Variants in N4BP2 observed in about 807,000 individuals in gnomAD.
N4BP2 encodes the protein NEDD4-binding protein 2.
N4BP2 carries 91 observed loss-of-function variants against 152.8 expected under a neutral mutation model. The ratio of observed to expected loss-of-function variants is 0.60; its 90% confidence interval spans 0.50 to 0.71. The LOEUF (loss-of-function observed/expected upper bound fraction) is 0.71. N4BP2 is among the 30% of genes least tolerant of loss of function. N4BP2 has a pLI of 0.00. For synonymous variants in N4BP2, 646 were observed against 705.3 expected, an observed-to-expected ratio of 0.92 and a Z score of 1.33; for missense variants, 1,923 against 2,059.1, an observed-to-expected ratio of 0.93 and a Z score of 1.28.
intron 1 of N4BP2, among the ~76,000 whole-genome samples, chr4:40,066,218 C>T (rs984537771): frequency 6.6e-5 from 10 of 151,748 alleles, no homozygotes; most frequent in African/African-American, 9.7e-5. Flanking sequence ...TGTGAGCCAC[C>T]GTGCCCGGCC....
chr4:40,139,491 CTTTTT>C (rs1226118008), intron 14 of N4BP2, among the ~76,000 whole-genome samples: 1 of 125,794 alleles, frequency 7.9e-6, no homozygotes, highest in Non-Finnish European at 1.7e-5. Flanking sequence ...CAGCATTAGG[CTTTTT>C]TTTTTTTTTT....
chr4:40,156,932 G>C lies in N4BP2; in HGVS notation c.*2695G>C, dbSNP rs945185721. On this transcript the variant is annotated 3_prime_UTR_variant, in exon 18 of 18. Transcript: ENST00000261435. ...CTGGTCCTAAGCATTTTGAGTAGGGGATACTCACTCAACCTGTATATTTGT... is the reference window on the plus strand; with the variant it reads ...CTGGTCCTAAGCATTTTGAGTAGGGCATACTCACTCAACCTGTATATTTGT... The C allele has an allele frequency of 1.3e-5, 2 of 152,098 alleles. No individual in the cohort carries two copies. Among genetic ancestry groups the C allele is most frequent in the Non-Finnish European group, 2.9e-5 (2 of 67,986 alleles). The allele number at this position is 152,098 out of a possible 1,614,324, so 9.4% of individuals were successfully genotyped here. A position where few individuals can be genotyped will look rare whatever the true frequency, so the allele number is the denominator to read the frequency against.
chr4:40,113,447 T>G lies in N4BP2; in HGVS notation c.1603T>G (p.Tyr535Asp). 6.2e-7 allele frequency: 1 copy of G among 1,612,428 alleles called. No homozygotes were observed. The highest frequency in any genetic ancestry group is 8.5e-7 in the Non-Finnish European group (1 of 1,178,746). The stretch of plus-strand genomic sequence containing the variant: ...TTGTATGTAGTCTCAGAAACACAAA[T>G]ATAAAGTCCTTTTTCGGGAACCAGA... Reference protein sequence around the residue: ...PYVALSQKHKYKVLFREPDTW... With the variant: ...PYVALSQKHKDKVLFREPDTW... Residue 535 changes from tyrosine (Y) to aspartate (D), a missense_variant, in exon 7 of 18, where the codon TAT becomes GAT. Coordinates refer to ENST00000261435, the MANE Select transcript of N4BP2 (RefSeq NM_018177.6).
intron 2 of N4BP2, among the ~76,000 whole-genome samples, chr4:40,096,196 A>G (rs567024675): frequency 6.6e-6 from 1 of 152,296 alleles, no homozygotes; most frequent in African/African-American, 2.4e-5. Context: ...TGGGTGGTAA[A>G]TACAATACGT....
At chr4:40,104,940 A>G (rs1391359748) in intron 4 of N4BP2, among the ~76,000 whole-genome samples, 3 of 151,304 alleles carry the variant, frequency 2.0e-5, no homozygotes, top group Admixed American at 6.6e-5. Flanking sequence ...GAGTAGCGGG[A>G]CTACAGCCAC....
At chr4:40,084,913 CTTTT>C (rs569261971) in intron 2 of N4BP2, among the ~76,000 whole-genome samples, 1 of 121,020 alleles carries the variant, frequency 8.3e-6, no homozygotes, top group Admixed American at 8.7e-5. Flanking sequence ...CAGCGCCTGG[CTTTT>C]TTTTTTTTTT....
At chr4:40,097,130 T>C in intron 2 of N4BP2, 97 bp from the exon 3 acceptor site, 1 of 484,910 alleles carries the variant, frequency 2.1e-6, no homozygotes, top group African/African-American at 1.9e-5. Context: ...GCTGTTAGAG[T>C]TGGTGGTACT....
At chr4:40,178,821 G>A in the N4BP2 span, among the ~76,000 whole-genome samples, 2 of 152,164 alleles carry the variant, frequency 1.3e-5, no homozygotes, top group Admixed American at 1.3e-4. Context: ...GCTGCTGTCG[G>A]AGAGCTCTGT....
In N4BP2 at chr4:40,156,966, A is replaced by G. The variant is rs1438988625; in HGVS notation, c.*2729A>G. Reference sequence around the variant, plus strand: ...TCAACCTGTATATTTGTGCTAATACATGACTCATTAGAATGATTCTTTGTA... The same window carrying G: ...TCAACCTGTATATTTGTGCTAATACGTGACTCATTAGAATGATTCTTTGTA... On this transcript the variant is annotated 3_prime_UTR_variant, in exon 18 of 18. Coordinates refer to ENST00000261435, the MANE Select transcript of N4BP2 (RefSeq NM_018177.6). 1 of 152,194 alleles carries G rather than the reference A, an allele frequency of 6.6e-6. No homozygotes were observed. The highest frequency in any genetic ancestry group is 6.5e-5 in the Admixed American group (1 of 15,282). The allele number at this position is 152,194 out of a possible 1,614,324, so 9.4% of individuals were successfully genotyped here.
chr4:40,142,596 G>T (rs901494071), intron 14 of N4BP2, 77 bp from the exon 15 acceptor site: 40 of 957,986 alleles, frequency 4.2e-5, no homozygotes, highest in Non-Finnish European at 6.2e-5. Context: ...GTTTTCATGT[G>T]CGTTTTGTGA....
intron 10 of N4BP2, among the ~76,000 whole-genome samples, chr4:40,123,765 A>G (rs1413581603): frequency 6.6e-6 from 1 of 151,960 alleles, no homozygotes; most frequent in African/African-American, 2.4e-5. Flanking sequence ...GATTATAGGC[A>G]TGAGCCACTG....
intron 8 of N4BP2, 63 bp from the exon 9 acceptor site, chr4:40,119,869 A>G: frequency 2.7e-6 from 2 of 740,402 alleles, no homozygotes; most frequent in Non-Finnish European, 4.4e-6. Flanking sequence ...GCTTCTTTAA[A>G]TCATAGTATT....
Position 40,136,941 on chromosome 4 carries a change from C to T in N4BP2, c.4647-3C>T, listed in dbSNP as rs546523535. On this transcript the variant is annotated splice_region_variant and splice_polypyrimidine_tract_variant and intron_variant, in intron 13 of 17. Coordinates refer to ENST00000261435, the MANE Select transcript of N4BP2 (RefSeq NM_018177.6). ...ATTATGTTTCTACTTAAATTTTCTA[C>T]AGCTATTCATTAGAACACACAGTGC... 25 of 1,599,468 alleles carry T rather than the reference C, an allele frequency of 1.6e-5. No individual in the cohort carries two copies. The highest frequency in any genetic ancestry group is 2.1e-5 in the Non-Finnish European group (25 of 1,171,130).
At chr4:40,161,811 A>T (rs1046816849), downstream of N4BP2, among the ~76,000 whole-genome samples, 1 of 152,206 alleles carries the variant, frequency 6.6e-6, no homozygotes, top group Non-Finnish European at 1.5e-5. Context: ...TAAAAAGTTG[A>T]TGGAAGAGCT....
At position 40,122,189 on chromosome 4, in the gene N4BP2, A is replaced by T. The variant is rs924547632; in HGVS notation, c.4078A>T (p.Ile1360Leu). 9 of 1,613,710 alleles carry T rather than the reference A, an allele frequency of 5.6e-6. No homozygotes were observed. The African/African-American group carries it at 8.0e-5, about 14-fold the overall frequency. The change falls in exon 9 of 18, where the codon ATA (isoleucine) becomes TTA (leucine). Residue 1360 changes from isoleucine to leucine, a missense_variant. Ile to Leu is a conservative substitution (Grantham distance 5). Coordinates refer to ENST00000261435, the MANE Select transcript of N4BP2 (RefSeq NM_018177.6). The part of the protein sequence containing the change: ...AGVSGEDKTE[I>L]LNPTPAMAKS... ...AGTTAGTGGGGAAGATAAAACCGAG[A>T]TATTGAATCCCACTCCAGCGATGGC...
intron 1 of N4BP2, among the ~76,000 whole-genome samples, chr4:40,072,393 G>T (rs1176049696): frequency 1.3e-5 from 2 of 151,714 alleles, no homozygotes; most frequent in African/African-American, 4.8e-5. Context: ...TTATAGGCAC[G>T]TGCCACCATG....
intron 2 of N4BP2, among the ~76,000 whole-genome samples, chr4:40,090,402 T>C (rs906445432): frequency 1.3e-5 from 2 of 152,214 alleles, no homozygotes; most frequent in Non-Finnish European, 2.9e-5. Context: ...TCTTCCCATC[T>C]TTGAACATTT....
chr4:40,058,395 C>T (rs1229784805), intron 1 of N4BP2, among the ~76,000 whole-genome samples: 2 of 152,082 alleles, frequency 1.3e-5, no homozygotes, highest in African/African-American at 4.8e-5. Flanking sequence ...GCTGCCAGGA[C>T]CTTTTATTAT....
the N4BP2 span, among the ~76,000 whole-genome samples, chr4:40,170,169 CAT>C: frequency 0.011 from 1,617 of 152,072 alleles, 33 homozygotes; most frequent in African/African-American, 0.036. Context: ...GAAATAAAAA[CAT>C]AAATTTCAAG....
Sources: gnomAD v4.1 joint callset for allele counts (sites outside exome capture counted in the v4.1 genomes callset) on GRCh38, gnomAD v4.1.1 for gene constraint, MANE v1.5 for transcripts, NCBI Gene and HGNC (gene_info 2026-07-23, HGNC 2026-07-21) for gene names.